CCDC144A: variants seen among roughly 807,000 people sequenced by gnomAD.
CCDC144A encodes the protein coiled-coil domain-containing protein 144A.
CCDC144A carries 41 observed loss-of-function variants against 143.8 expected under a neutral mutation model. That is an observed-to-expected ratio of 0.29 (90% CI 0.22 to 0.37). CCDC144A has a LOEUF of 0.37. CCDC144A is among the 10% of genes least tolerant of loss of function. The pLI, the probability that CCDC144A is intolerant of heterozygous loss-of-function variation, is 1.00. For missense variants in CCDC144A, 637 were observed against 1,488.8 expected (o/e 0.43, Z 9.41); for synonymous variants, 242 against 517.9 (o/e 0.47, Z 7.23).
intron 12 of CCDC144A, among the ~76,000 whole-genome samples, chr17:16,761,096 G>A (rs1915338925): frequency 6.6e-6 from 1 of 151,246 alleles, no homozygotes; most frequent in Non-Finnish European, 1.5e-5. Context: ...GGGAGGCCGA[G>A]GCGAGTGGAT....
At position 16,770,673 on chromosome 17, in the gene CCDC144A, T is replaced by C. The variant is rs556821022; in HGVS notation, c.4099-1304T>C. Among the ~76,000 whole-genome samples the C allele has an allele frequency of 4.0e-5, 6 of 148,526 alleles. No individual in the cohort carries two copies. In the South Asian group the frequency reaches 1.3e-3, roughly 31 times the overall value. On this transcript the variant is annotated intron_variant, in intron 15 of 16. Coordinates refer to ENST00000399273, the MANE Select transcript of CCDC144A (RefSeq NM_001382000.1). Reference sequence around the variant, plus strand: ...CATTCATACGTTTAAGTAAATCTCTTTTTTTTTTAAGAATGGAACTTTTTT... The same window carrying C: ...CATTCATACGTTTAAGTAAATCTCTCTTTTTTTTAAGAATGGAACTTTTTT...
At chr17:16,769,288 A>C (rs1915731726) in intron 15 of CCDC144A, among the ~76,000 whole-genome samples, 1 of 152,224 alleles carries the variant, frequency 6.6e-6, no homozygotes. Flanking sequence ...TATCCTCTCA[A>C]GAGGAAGCTG....
intron 12 of CCDC144A, among the ~76,000 whole-genome samples, chr17:16,752,074 C>G (rs1459930357): frequency 6.6e-6 from 1 of 152,204 alleles, no homozygotes; most frequent in Non-Finnish European, 1.5e-5. Flanking sequence ...CTCCAGGTGG[C>G]AGACCAGTAC....
Position 16,756,973 on chromosome 17 carries a change from T to C in CCDC144A, c.3373-4452T>C, listed in dbSNP as rs1269443838. 2.0e-5 allele frequency among the ~76,000 whole-genome samples: 3 copies of C among 152,366 alleles called. No homozygotes were observed. The East Asian group carries it at 5.8e-4, about 29-fold the overall frequency. On this transcript the variant is annotated intron_variant, in intron 12 of 16. Transcript: ENST00000399273. ...TGCTGTGGTGAGGCCTTGATGGTGA[T>C]GGGGAGGACAGCAGGCCAGTCCTCA...
chr17:16,729,285 G>T (rs1913593098), intron 9 of CCDC144A, among the ~76,000 whole-genome samples: 2 of 152,154 alleles, frequency 1.3e-5, no homozygotes, highest in South Asian at 2.1e-4. Flanking sequence ...GAGCATGCTG[G>T]CTGGAGTAAG....
At chr17:16,683,825 C>G in the CCDC144A span, 2 of 1,406,494 alleles carry the variant, frequency 1.4e-6, no homozygotes, top group South Asian at 2.3e-5. Context: ...GAGCGTGAAG[C>G]CGGCGCCTCC....
At chr17:16,758,989 C>T (rs1263602118) in intron 12 of CCDC144A, among the ~76,000 whole-genome samples, 7 of 152,228 alleles carry the variant, frequency 4.6e-5, no homozygotes, top group Non-Finnish European at 8.8e-5. Context: ...TGCGTATACC[C>T]TTAAGATCTT....
At chr17:16,703,342 C>T (rs1322884500) in intron 2 of CCDC144A, among the ~76,000 whole-genome samples, 2 of 151,706 alleles carry the variant, frequency 1.3e-5, no homozygotes, top group Non-Finnish European at 2.9e-5. Flanking sequence ...CTTATTGACA[C>T]AGGAAGCTCT....
chr17:16,770,990 TA>T (rs970134440), intron 15 of CCDC144A, among the ~76,000 whole-genome samples: 310 of 149,546 alleles, frequency 2.1e-3, no homozygotes, highest in Non-Finnish European at 3.4e-3. Context: ...AACCTGTTAG[TA>T]AAAAAAAAAA....
At chr17:16,770,495 G>A (rs1360512385) in intron 15 of CCDC144A, among the ~76,000 whole-genome samples, 1 of 152,068 alleles carries the variant, frequency 6.6e-6, no homozygotes, top group Non-Finnish European at 1.5e-5. Flanking sequence ...TATGAAGGAA[G>A]GTGCTGGCAT....
chr17:16,751,876 C>A (rs1404487896), intron 12 of CCDC144A, among the ~76,000 whole-genome samples: 2 of 152,226 alleles, frequency 1.3e-5, no homozygotes, highest in African/African-American at 4.8e-5. Flanking sequence ...TCGCACTCAC[C>A]CAACCAGGCC....
intron 15 of CCDC144A, among the ~76,000 whole-genome samples, chr17:16,769,745 A>G (rs1300743805): frequency 1.3e-5 from 2 of 151,874 alleles, no homozygotes; most frequent in Admixed American, 6.6e-5. Context: ...CATAACTTAC[A>G]ATTTGGAGAG....
chr17:16,705,654 T>C (rs1298130354), intron 3 of CCDC144A: 8 of 443,146 alleles, frequency 1.8e-5, no homozygotes, highest in Non-Finnish European at 3.4e-5. Context: ...AGGGACTAAG[T>C]ATGTTTAGGG....
intron 2 of CCDC144A, among the ~76,000 whole-genome samples, chr17:16,704,925 G>A (rs1468569682): frequency 6.6e-6 from 1 of 152,116 alleles, no homozygotes; most frequent in Non-Finnish European, 1.5e-5. Context: ...GTAAGTAATA[G>A]TAAGCAGTAA....
At chr17:16,748,937 G>T (rs978337310) in intron 12 of CCDC144A, among the ~76,000 whole-genome samples, 13 of 151,922 alleles carry the variant, frequency 8.6e-5, no homozygotes, top group African/African-American at 2.4e-4. Flanking sequence ...TGTCGTCTTT[G>T]TTGTTTCTGA....
intron 12 of CCDC144A, among the ~76,000 whole-genome samples, chr17:16,759,881 T>G (rs572721240): frequency 6.6e-6 from 1 of 152,368 alleles, no homozygotes; most frequent in South Asian, 2.1e-4. Flanking sequence ...ATCTGCAGTT[T>G]TAGGCAAGGC....
intron 12 of CCDC144A, among the ~76,000 whole-genome samples, chr17:16,757,949 C>A (rs1915176297): frequency 6.6e-6 from 1 of 152,186 alleles, no homozygotes. Flanking sequence ...AGTTCCCTTT[C>A]CTTCTGTCAT....
chr17:16,670,013 T>G, the CCDC144A span, among the ~76,000 whole-genome samples: 1 of 152,070 alleles, frequency 6.6e-6, no homozygotes, highest in African/African-American at 2.4e-5. Context: ...AAATTCCGTT[T>G]CTACTAAAAA....
intron 9 of CCDC144A, among the ~76,000 whole-genome samples, chr17:16,728,728 C>T (rs1913555737): frequency 6.6e-6 from 1 of 152,122 alleles, no homozygotes; most frequent in African/African-American, 2.4e-5. Context: ...TCTCATCCCT[C>T]ATCCTCCTCC....
Sources: allele counts gnomAD v4.1 joint callset (sites outside exome capture counted in the v4.1 genomes callset), GRCh38; gene constraint gnomAD v4.1.1; transcripts MANE v1.5; gene names NCBI Gene and HGNC (gene_info 2026-07-23, HGNC 2026-07-21).